The following MACF1 variants were observed in gnomAD, a reference collection of about 807,000 sequenced individuals.
MACF1 encodes microtubule-actin cross-linking factor 1.
A neutral mutation model predicts 854.8 loss-of-function variants in MACF1; 193 were observed. That is an observed-to-expected ratio of 0.23 (90% CI 0.20 to 0.25). The LOEUF (loss-of-function observed/expected upper bound fraction) is 0.25, where lower values mean the gene tolerates loss of function less well. MACF1 is among the 10% of genes least tolerant of loss of function. MACF1 has a pLI of 1.00. For synonymous variants in MACF1, 3,185 were observed against 3,226.7 expected (o/e 0.99, Z 0.44); for missense variants, 7,722 against 8,929.1 (o/e 0.86, Z 5.45).
Position 39,336,074 on chromosome 1 carries a change from T to A in MACF1, c.9486T>A (p.Ile3162=), listed in dbSNP as rs755694426. 1.2e-6 allele frequency: 2 copies of A among 1,613,990 alleles called. No homozygotes were observed. Among genetic ancestry groups the A allele is most frequent in the Non-Finnish European group, 1.7e-6 (2 of 1,180,014 alleles). ...AAACTAAGGAAACCAAACATCAAAT[T>A]TCCTCATCTAATGAATGTAAAGAAA... ...TSKTKETKHQ[I]SSSNECKEKS... Residue 3162 remains isoleucine (I), a synonymous_variant, in exon 37 of 101, where the codon ATT becomes ATA. Coordinates refer to ENST00000564288, the MANE Select transcript of MACF1 (RefSeq NM_001394062.1).
chr1:39,127,308 G>T (rs1053876830), intron 2 of MACF1, among the ~76,000 whole-genome samples: 2 of 152,196 alleles, frequency 1.3e-5, no homozygotes, highest in African/African-American at 4.8e-5. Context: ...GGTGGACCTG[G>T]TGTGTAGCGT....
At chr1:39,348,068 T>A (rs1177131186) in intron 41 of MACF1, among the ~76,000 whole-genome samples, 3 of 152,222 alleles carry the variant, frequency 2.0e-5, no homozygotes, top group African/African-American at 7.2e-5. Context: ...CAAGGGCTCC[T>A]TTATTAAATG....
In MACF1 at chr1:39,332,748, C is replaced by T. The variant is rs533875392; in HGVS notation, c.6160C>T (p.Arg2054Trp). 3.1e-6 allele frequency: 5 copies of T among 1,613,940 alleles called. No homozygotes were observed. Among genetic ancestry groups the T allele is most frequent in the Non-Finnish European group, 4.2e-6 (5 of 1,180,022 alleles). ...TTCTCAGAACAAAGAATATCCCGAT[C>T]GGGAAGATTGCACTACAGAAAAAGG... ...FSSQNKEYPD[R>W]EDCTTEKGKK... The change falls in exon 37 of 101, where the codon CGG (arginine) becomes TGG (tryptophan). Residue 2054 changes from arginine to tryptophan, a missense_variant. Coordinates refer to ENST00000564288, the MANE Select transcript of MACF1 (RefSeq NM_001394062.1).
At chr1:39,211,358 T>A (rs1458442958) in intron 1 of MACF1, among the ~76,000 whole-genome samples, 1 of 152,266 alleles carries the variant, frequency 6.6e-6, no homozygotes, top group East Asian at 1.9e-4. Context: ...TAAGATAACA[T>A]TGAAGACATA....
chr1:39,231,210 G>A lies in MACF1; in HGVS notation c.138G>A (p.Thr46=), dbSNP rs149539890. 2.8e-5 allele frequency: 45 copies of A among 1,614,164 alleles called. No homozygotes were observed. The Admixed American group carries it at 2.8e-4, about 10-fold the overall frequency. Reference sequence around the variant, plus strand: ...AACGGGACCGGGTTCAGAAGAAAACGTTCACCAAGTGGGTCAACAAGCACT... The same window carrying A: ...AACGGGACCGGGTTCAGAAGAAAACATTCACCAAGTGGGTCAACAAGCACT... ...ADERDRVQKK[T]FTKWVNKHLM... Residue 46 remains threonine, a synonymous_variant, in exon 2 of 101, where the codon ACG becomes ACA. Coordinates refer to ENST00000564288, the MANE Select transcript of MACF1 (RefSeq NM_001394062.1).
intron 2 of MACF1, among the ~76,000 whole-genome samples, chr1:39,131,551 A>G (rs1418681973): frequency 3.3e-5 from 5 of 152,062 alleles, no homozygotes; most frequent in Non-Finnish European, 7.4e-5. Context: ...GACTGTGAGC[A>G]CCTTGAGAGC....
intron 40 of MACF1, among the ~76,000 whole-genome samples, chr1:39,341,677 A>G (rs1646938889): frequency 6.6e-6 from 1 of 151,948 alleles, no homozygotes; most frequent in South Asian, 2.1e-4. Context: ...CAGCTTGGGC[A>G]ACAAGAACGA....
chr1:39,340,030 G>T (rs978112523), intron 38 of MACF1, among the ~76,000 whole-genome samples: 1 of 152,198 alleles, frequency 6.6e-6, no homozygotes, highest in African/African-American at 2.4e-5. Flanking sequence ...GCTGGTTGGG[G>T]TTAGCTTTGT....
chr1:39,474,386 C>G (rs959718272), intron 97 of MACF1, among the ~76,000 whole-genome samples: 1 of 151,380 alleles, frequency 6.6e-6, no homozygotes, highest in Non-Finnish European at 1.5e-5. Context: ...GAGACTCTGT[C>G]GCAAAAAATA....
chr1:39,364,447 C>T (rs1648495178), intron 49 of MACF1, among the ~76,000 whole-genome samples: 1 of 151,132 alleles, frequency 6.6e-6, no homozygotes, highest in Non-Finnish European at 1.5e-5. Context: ...ATATTGTTTC[C>T]CAGATTGTGC....
Position 39,284,083 on chromosome 1 carries a change from G to T in MACF1, c.933G>T (p.Trp311Cys), listed in dbSNP as rs1421294586. 6.2e-7 allele frequency: 1 copy of T among 1,613,988 alleles called. No individual in the cohort carries two copies. Among genetic ancestry groups the T allele is most frequent in the East Asian group, 2.2e-5 (1 of 44,866 alleles). Residue 311 changes from tryptophan to cysteine, a missense_variant, in exon 10 of 101, where the codon TGG becomes TGT. Physicochemically the swap from Trp to Cys is radical, Grantham distance 215. Transcript: ENST00000564288. ...GGCAATAGGAAGTGGACTCCAGGTGGCAAGAATACCAAAGCCGAGTGGACT... is the reference window on the plus strand; with the variant it reads ...GGCAATAGGAAGTGGACTCCAGGTGTCAAGAATACCAAAGCCGAGTGGACT... ...GISATEVDSR[W>C]QEYQSRVDSL...
rs1571312137 is a variant in MACF1 at position 39,308,749 on chromosome 1, G to A, written c.2790-821G>A. On this transcript the variant is annotated intron_variant, in intron 23 of 100. Coordinates refer to ENST00000564288, the MANE Select transcript of MACF1 (RefSeq NM_001394062.1). ...TGGCTCACTGCAACCTCCACCTCCC[G>A]GGTTCAAGCGATTCTCCTGCCTCAG... is the stretch of plus-strand genomic sequence containing the variant. 2.6e-5 allele frequency among the ~76,000 whole-genome samples: 4 copies of A among 151,894 alleles called. No homozygotes were observed. In the South Asian group the frequency reaches 6.3e-4, roughly 24 times the overall value.
chr1:39,269,434 C>T, intron 6 of MACF1: 1 of 1,289,842 alleles, frequency 7.8e-7, no homozygotes, highest in Non-Finnish European at 1.0e-6. Flanking sequence ...TCTGTTTCTT[C>T]ATTACTACTG....
chr1:39,194,228 A>G (rs1396343730), intron 2 of MACF1, among the ~76,000 whole-genome samples: 1 of 152,092 alleles, frequency 6.6e-6, no homozygotes, highest in African/African-American at 2.4e-5. Context: ...TCTTAAGGGT[A>G]AGACCTTCAG....
Position 39,388,233 on chromosome 1 carries a change from A to G in MACF1, c.15391A>G (p.Met5131Val). ...CCAGTTTCACTGCCGGGTCCGAGAG[A>G]TGTTCTCTCAATTGGCAGACCTGGA... ...IGQFHCRVRE[M>V]FSQLADLDDE... is the part of the protein sequence containing the mutation. The change falls in exon 58 of 101, where the codon ATG (methionine) becomes GTG (valine). Residue 5131 changes from methionine (M) to valine (V), a missense_variant. Met to Val is a conservative substitution (Grantham distance 21). Transcript: ENST00000564288. 2 of 1,614,172 alleles carry G rather than the reference A, an allele frequency of 1.2e-6. No individual in the cohort carries two copies. Among genetic ancestry groups the G allele is most frequent in the Non-Finnish European group, 1.7e-6 (2 of 1,180,014 alleles).
chr1:39,336,868 A>G (rs568047828), intron 37 of MACF1, among the ~76,000 whole-genome samples: 2 of 152,360 alleles, frequency 1.3e-5, no homozygotes, highest in East Asian at 3.9e-4. Flanking sequence ...TCTTTCTGAA[A>G]TCTGCAAGGG....
At chr1:39,417,482 T>C (rs1183136397) in intron 58 of MACF1, among the ~76,000 whole-genome samples, 1 of 152,114 alleles carries the variant, frequency 6.6e-6, no homozygotes, top group Non-Finnish European at 1.5e-5. Context: ...AGAATCTTCA[T>C]TGGTTTTTTG....
Position 39,350,859 on chromosome 1 carries a change from A to G in MACF1, c.11040A>G (p.Glu3680=). Residue 3680 remains glutamate (E), a synonymous_variant, in exon 43 of 101, where the codon GAA becomes GAG. Coordinates refer to ENST00000564288, the MANE Select transcript of MACF1 (RefSeq NM_001394062.1). ...TVVKDIEGFM[E]ENQTKLSPRE... is the part of the protein sequence containing the mutation. ...TCAAGGACATTGAGGGGTTCATGGA[A>G]GAGAATCAGACCAAGCTGAGCCCAC... is the stretch of plus-strand genomic sequence containing the variant. The G allele has an allele frequency of 6.2e-7, 1 of 1,613,652 alleles. No homozygotes were observed. Among genetic ancestry groups the G allele is most frequent in the Non-Finnish European group, 8.5e-7 (1 of 1,179,680 alleles).
At chr1:39,450,596 T>C (rs1422468829) in intron 84 of MACF1, among the ~76,000 whole-genome samples, 2 of 150,482 alleles carry the variant, frequency 1.3e-5, no homozygotes, top group East Asian at 3.9e-4. Context: ...TCTCAGTCAC[T>C]TTTTACTCTA....
Sources: allele counts gnomAD v4.1 joint callset (sites outside exome capture counted in the v4.1 genomes callset), GRCh38; gene constraint gnomAD v4.1.1; transcripts MANE v1.5; gene names NCBI Gene and HGNC (gene_info 2026-07-23, HGNC 2026-07-21).